The following PDPN variants were observed in gnomAD, a reference collection of about 807,000 sequenced individuals.
The protein encoded by PDPN is podoplanin.
A neutral mutation model predicts 23.2 loss-of-function variants in PDPN; 12 were observed. The ratio of observed to expected loss-of-function variants is 0.52; its 90% CI spans 0.33 to 0.84. PDPN has a LOEUF of 0.84. Ranked by LOEUF, PDPN falls within the 40% of genes least tolerant of loss-of-function variation. The pLI is 0.02. For missense variants in PDPN, 199 were observed against 212.2 expected (o/e 0.94, Z 0.39); for synonymous variants, 77 against 76.7 (o/e 1.00, Z -0.02).
rs540034367 is a variant in PDPN at position 13,599,505 on chromosome 1, C to G, written c.68-7668C>G. Among the ~76,000 whole-genome samples the G allele has an allele frequency of 9.0e-4, 136 of 150,630 alleles. 1 individual carries two copies. Among genetic ancestry groups the G allele is most frequent in the African/African-American group, 3.2e-3 (130 of 40,918 alleles). On this transcript the variant is annotated intron_variant, in intron 1 of 5. Coordinates refer to ENST00000621990, the MANE Select transcript of PDPN (RefSeq NM_006474.5). ...GGTTCAAGTGATTCTTGTGCCTCAG[C>G]CTCCTGAGTAGCTGGGATTACAGAG...
intron 3 of PDPN, among the ~76,000 whole-genome samples, chr1:13,611,049 G>A (rs1186847678): frequency 3.9e-5 from 6 of 152,010 alleles, no homozygotes; most frequent in South Asian, 2.1e-4. Context: ...GTGAAACCCC[G>A]TCTCTACTGA....
chr1:13,584,057 C>T lies in PDPN; in HGVS notation c.24C>T (p.Leu8=). Residue 8 remains leucine (L), a synonymous_variant, in exon 1 of 6, where the codon CTC becomes CTT. Transcript: ENST00000621990. ...CGATGTGGAAGGTGTCAGCTCTGCT[C>T]TTCGTTTTGGGAAGCGCGTCGCTCT... The part of the protein sequence containing the change: MWKVSAL[L]FVLGSASLWV... The T allele has an allele frequency of 6.2e-7, 1 of 1,613,278 alleles. No homozygotes were observed. The highest frequency in any genetic ancestry group is 8.5e-7 in the Non-Finnish European group (1 of 1,180,008).
At position 13,613,615 on chromosome 1, in the gene PDPN, T is replaced by G; in HGVS notation, c.332-72T>G. 6.3e-6 allele frequency: 5 copies of G among 791,204 alleles called. No homozygotes were observed. In the South Asian group the frequency reaches 7.5e-5, roughly 12 times the overall value. 49.0% of individuals were successfully genotyped at this position (791,204 alleles called of 1,614,324 possible). A position where few individuals can be genotyped will look rare whatever the true frequency, so the allele number is the denominator to read the frequency against. ...GCTGCTTTCCACTTGGGTAAATTCATCTTTTGCCAGTTGTTAAATTATAGT... is the reference window on the plus strand; with the variant it reads ...GCTGCTTTCCACTTGGGTAAATTCAGCTTTTGCCAGTTGTTAAATTATAGT... On this transcript the variant is annotated intron_variant, in intron 3 of 5. Coordinates refer to ENST00000621990, the MANE Select transcript of PDPN (RefSeq NM_006474.5).
rs188828452 is a variant in PDPN at position 13,603,574 on chromosome 1, T to C, written c.68-3599T>C. Among the ~76,000 whole-genome samples, 78 of 151,936 alleles carry C rather than the reference T, an allele frequency of 5.1e-4. 1 individual carries two copies. In the East Asian group the frequency reaches 9.9e-3, roughly 19 times the overall value. On this transcript the variant is annotated intron_variant, in intron 1 of 5. Coordinates refer to ENST00000621990, the MANE Select transcript of PDPN (RefSeq NM_006474.5). ...TATCAAATCATCTTCTCCTAGGAAA[T>C]AGAAACTTCAGCCTAGCTTTTTTTT...
At chr1:13,585,478 G>T in intron 1 of PDPN, 1 of 1,333,964 alleles carries the variant, frequency 7.5e-7, no homozygotes, top group Non-Finnish European at 9.9e-7. Context: ...GCGAGACAAT[G>T]TGCAAATGAC....
At position 13,615,798 on chromosome 1, in the gene PDPN, A is replaced by C. The variant is rs74699937; in HGVS notation, c.483-107A>C. On this transcript the variant is annotated intron_variant, in intron 5 of 5. Transcript: ENST00000621990. ...GAACAAGAGATGATCACCAGGTGTC[A>C]GAACTTGGAAGATTTAGAGCAAAGG... is the stretch of plus-strand genomic sequence containing the variant. 4,159 of 1,026,482 alleles carry C rather than the reference A, an allele frequency of 4.1e-3. 108 individuals carry two copies. The African/African-American group carries it at 0.058, about 14-fold the overall frequency. 63.6% of individuals were successfully genotyped at this position (1,026,482 alleles called of 1,614,324 possible). A position where few individuals can be genotyped will look rare whatever the true frequency, so the allele number is the denominator to read the frequency against.
At chr1:13,599,422 G>T (rs1487117241) in intron 1 of PDPN, among the ~76,000 whole-genome samples, 1 of 108,094 alleles carries the variant, frequency 9.3e-6, no homozygotes, top group African/African-American at 3.7e-5. Context: ...GCCTTGCTCT[G>T]TCACCCAGGC....
At chr1:13,592,947 A>G (rs966199722) in intron 1 of PDPN, among the ~76,000 whole-genome samples, 2 of 152,204 alleles carry the variant, frequency 1.3e-5, no homozygotes, top group Non-Finnish European at 2.9e-5. Context: ...AAATTGATCT[A>G]TATGTCTATC....
At chr1:13,589,345 G>A (rs923827964) in intron 1 of PDPN, among the ~76,000 whole-genome samples, 1 of 152,164 alleles carries the variant, frequency 6.6e-6, no homozygotes, top group Admixed American at 6.5e-5. Flanking sequence ...TGGTTTTCTG[G>A]CCTCTTGTGA....
At chr1:13,587,905 TC>T (rs1329506861) in intron 1 of PDPN, among the ~76,000 whole-genome samples, 1 of 152,066 alleles carries the variant, frequency 6.6e-6, no homozygotes, top group African/African-American at 2.4e-5. Flanking sequence ...GATGGCAAGC[TC>T]CCCTGAGTGT....
intron 1 of PDPN, among the ~76,000 whole-genome samples, chr1:13,587,922 G>A (rs191954748): frequency 1.3e-5 from 2 of 152,314 alleles, no homozygotes; most frequent in African/African-American, 2.4e-5. Flanking sequence ...AGTGTCAGCC[G>A]AAAGAGGTAG....
intron 2 of PDPN, among the ~76,000 whole-genome samples, chr1:13,608,053 C>T (rs879784474): frequency 6.6e-6 from 1 of 151,984 alleles, no homozygotes; most frequent in Non-Finnish European, 1.5e-5. Flanking sequence ...TGCAGTGAGC[C>T]GAGATCGCAC....
chr1:13,612,515 A>G (rs1028115860), intron 3 of PDPN, among the ~76,000 whole-genome samples: 3 of 152,198 alleles, frequency 2.0e-5, no homozygotes, highest in African/African-American at 7.2e-5. Context: ...GTTGACTTCT[A>G]TCAGTGACAT....
intron 1 of PDPN, among the ~76,000 whole-genome samples, chr1:13,592,311 A>T (rs894378420): frequency 2.0e-5 from 3 of 152,174 alleles, no homozygotes; most frequent in Admixed American, 6.6e-5. Flanking sequence ...AGCGTTTAAA[A>T]TTTTGGTAAA....
intron 1 of PDPN, among the ~76,000 whole-genome samples, chr1:13,592,634 C>G (rs1322478958): frequency 1.3e-5 from 2 of 151,060 alleles, no homozygotes; most frequent in Non-Finnish European, 2.9e-5. Flanking sequence ...ACCGCAACCT[C>G]CGCTTCCCGG....
At chr1:13,590,343 G>A (rs1570012968) in intron 1 of PDPN, among the ~76,000 whole-genome samples, 1 of 152,332 alleles carries the variant, frequency 6.6e-6, no homozygotes, top group African/African-American at 2.4e-5. Flanking sequence ...AGACAGGTGC[G>A]TGTTTTCTAC....
At chr1:13,609,583 C>T (rs1457490890) in intron 2 of PDPN, among the ~76,000 whole-genome samples, 1 of 152,198 alleles carries the variant, frequency 6.6e-6, no homozygotes, top group Non-Finnish European at 1.5e-5. Context: ...GAAACAATAA[C>T]TCATTCTTCC....
At chr1:13,603,952 C>G (rs957922987) in intron 1 of PDPN, among the ~76,000 whole-genome samples, 1 of 152,116 alleles carries the variant, frequency 6.6e-6, no homozygotes, top group African/African-American at 2.4e-5. Context: ...CGTTTGCTGC[C>G]GCATTTGGAA....
intron 1 of PDPN, among the ~76,000 whole-genome samples, chr1:13,601,011 G>A (rs1426587859): frequency 6.6e-6 from 1 of 152,228 alleles, no homozygotes; most frequent in Non-Finnish European, 1.5e-5. Context: ...AGTAGCAAAT[G>A]TGAGAGGGTG....
Sources: allele counts gnomAD v4.1 joint callset (sites outside exome capture counted in the v4.1 genomes callset), GRCh38; gene constraint gnomAD v4.1.1; transcripts MANE v1.5; gene names NCBI Gene and HGNC (gene_info 2026-07-23, HGNC 2026-07-21).